Variants in SDK1 observed in about 807,000 individuals in gnomAD.
The protein encoded by SDK1 is sidekick cell adhesion molecule 1, also known as protein sidekick-1.
In SDK1, 157 loss-of-function variants were observed where a neutral mutation model predicts 245.5. The ratio of observed to expected loss-of-function variants is 0.64; its 90% CI spans 0.56 to 0.73. The LOEUF is 0.73. Ranked by LOEUF, SDK1 falls within the 30% of genes least tolerant of loss-of-function variation. SDK1 has a pLI of 0.00. For missense variants in SDK1, 3,583 were observed against 3,002.3 expected (o/e 1.19, Z -4.52); for synonymous variants, 1,647 against 1,278.5 (o/e 1.29, Z -6.15).
intron 34 of SDK1, among the ~76,000 whole-genome samples, chr7:4,177,271 C>T (rs117440848): frequency 7.7e-4 from 117 of 152,360 alleles, no homozygotes; most frequent in Non-Finnish European, 9.8e-4. Context: ...CCACCATCCA[C>T]ACCAGCACAC....
rs1781695835 is a variant in SDK1 at position 3,899,068 on chromosome 7, T to C, written c.848-51855T>C. Among the ~76,000 whole-genome samples the C allele has an allele frequency of 2.0e-5, 3 of 152,320 alleles. No individual in the cohort carries two copies. In the South Asian group the frequency reaches 6.2e-4, roughly 32 times the overall value. On this transcript the variant is annotated intron_variant, in intron 5 of 44. Coordinates refer to ENST00000404826, the MANE Select transcript of SDK1 (RefSeq NM_152744.4). ...CTCCTTTTGGTTTCCATTTAAGTCA[T>C]GAGAAATTTACTAAAATATCATATT...
intron 4 of SDK1, among the ~76,000 whole-genome samples, chr7:3,681,409 G>A (rs890039248): frequency 6.6e-6 from 1 of 152,078 alleles, no homozygotes; most frequent in Admixed American, 6.6e-5. Flanking sequence ...CTGCTGCTCT[G>A]ACCTTTCCTG....
intron 3 of SDK1, 67 bp from the exon 4 acceptor site, chr7:3,641,891 A>G (rs975667997): frequency 7.5e-7 from 1 of 1,340,736 alleles, no homozygotes; most frequent in Admixed American, 2.0e-5. Context: ...ACCTGTTTCC[A>G]TCTGTGACCC....
At chr7:3,604,592 C>A (rs1265768800) in intron 1 of SDK1, among the ~76,000 whole-genome samples, 4 of 136,370 alleles carry the variant, frequency 2.9e-5, no homozygotes, top group Non-Finnish European at 6.2e-5. Context: ...TTTTCTTTTT[C>A]TTTTCTTTTC....
At chr7:3,371,145 T>C (rs1270573849) in intron 1 of SDK1, among the ~76,000 whole-genome samples, 1 of 152,116 alleles carries the variant, frequency 6.6e-6, no homozygotes, top group Non-Finnish European at 1.5e-5. Flanking sequence ...CCACATGCAT[T>C]GAAGGGAATA....
intron 41 of SDK1, among the ~76,000 whole-genome samples, chr7:4,237,120 G>C (rs1417910109): frequency 1.3e-5 from 2 of 152,072 alleles, no homozygotes; most frequent in Non-Finnish European, 2.9e-5. Flanking sequence ...TTGAACTCCT[G>C]GGCTTAAGCC....
chr7:3,802,170 A>T (rs2115036489), intron 4 of SDK1, among the ~76,000 whole-genome samples: 2 of 152,262 alleles, frequency 1.3e-5, no homozygotes, highest in South Asian at 4.2e-4. Context: ...ACACTAGTAC[A>T]ATGTGTGTTT....
At chr7:4,071,245 G>A (rs537960711) in intron 20 of SDK1, among the ~76,000 whole-genome samples, 3 of 151,160 alleles carry the variant, frequency 2.0e-5, no homozygotes, top group East Asian at 2.0e-4. Flanking sequence ...GGCTGGTCTT[G>A]AACTCCTGAC....
At chr7:3,918,447 G>A (rs146706819) in intron 5 of SDK1, among the ~76,000 whole-genome samples, 1 of 152,242 alleles carries the variant, frequency 6.6e-6, no homozygotes, top group Non-Finnish European at 1.5e-5. Context: ...GGTTACACAC[G>A]CCTTATGAGA....
chr7:4,044,430 G>C (rs1411387103), intron 17 of SDK1, among the ~76,000 whole-genome samples: 1 of 151,354 alleles, frequency 6.6e-6, no homozygotes, highest in Non-Finnish European at 1.5e-5. Flanking sequence ...AAGTATCAAA[G>C]AATATGCAGC....
intron 1 of SDK1, chr7:3,302,119 C>T (rs1054845038): frequency 3.0e-5 from 6 of 203,312 alleles, no homozygotes; most frequent in East Asian, 2.9e-4. Flanking sequence ...TTTTTTATAC[C>T]GCAGTAGCAC....
chr7:3,836,895 G>A (rs772814197), intron 5 of SDK1, among the ~76,000 whole-genome samples: 4 of 152,092 alleles, frequency 2.6e-5, no homozygotes, highest in Non-Finnish European at 4.4e-5. Context: ...TTGGTGTCTC[G>A]TTGGGGCCTC....
At chr7:3,572,882 G>C (rs1780160040) in intron 1 of SDK1, among the ~76,000 whole-genome samples, 1 of 152,056 alleles carries the variant, frequency 6.6e-6, no homozygotes, top group Non-Finnish European at 1.5e-5. Flanking sequence ...GAGATTCCTG[G>C]AAGAATTCCA....
intron 4 of SDK1, among the ~76,000 whole-genome samples, chr7:3,676,192 A>T (rs1043436689): frequency 6.6e-6 from 1 of 150,682 alleles, no homozygotes; most frequent in Non-Finnish European, 1.5e-5. Flanking sequence ...TAAATTTTGT[A>T]TTTTTTTGTG....
intron 5 of SDK1, among the ~76,000 whole-genome samples, chr7:3,912,268 C>T (rs992142556): frequency 6.6e-6 from 1 of 152,192 alleles, no homozygotes; most frequent in Non-Finnish European, 1.5e-5. Flanking sequence ...GAGGAGCTTT[C>T]TTTATTTATT....
rs1016434242 is a variant in SDK1, at chr7:3,390,857, A to G, written c.298+88973A>G. Among the ~76,000 whole-genome samples the G allele has an allele frequency of 2.6e-5, 4 of 152,308 alleles. No individual in the cohort carries two copies. In the East Asian group the frequency reaches 7.7e-4, roughly 29 times the overall value. ...AAATATCTGTTGTTTTAGGACATTC[A>G]GTTTGTGGCATTTTGTTATGGTAGC... On this transcript the variant is annotated intron_variant, in intron 1 of 44. Transcript: ENST00000404826.
At chr7:4,254,035 T>G (rs1216575600) in intron 44 of SDK1, among the ~76,000 whole-genome samples, 2 of 152,184 alleles carry the variant, frequency 1.3e-5, no homozygotes, top group East Asian at 3.8e-4. Context: ...TACCTCAGAT[T>G]TATAGTACAT....
intron 1 of SDK1, among the ~76,000 whole-genome samples, chr7:3,556,034 G>C (rs1779576502): frequency 6.6e-6 from 1 of 152,108 alleles, no homozygotes; most frequent in Non-Finnish European, 1.5e-5. Context: ...TAAAAATAGA[G>C]CTACCATATG....
chr7:4,266,195 G>C lies in SDK1; in HGVS notation c.*811G>C, dbSNP rs1788460373. On this transcript the variant is annotated 3_prime_UTR_variant, in exon 45 of 45. Coordinates refer to ENST00000404826, the MANE Select transcript of SDK1 (RefSeq NM_152744.4). ...CAACTCCGCGGGACACGAGGACACG[G>C]GACGGCGTCTCCAGAATTGCTTGTT... 1.0e-6 allele frequency: 1 copy of C among 985,372 alleles called. No homozygotes were observed. Among genetic ancestry groups the C allele is most frequent in the African/African-American group, 1.7e-5 (1 of 57,258 alleles). The allele number at this position is 985,372 out of a possible 1,614,324, so 61.0% of individuals were successfully genotyped here. A position where few individuals can be genotyped will look rare whatever the true frequency, so the allele number is the denominator to read the frequency against.
Sources: allele counts gnomAD v4.1 joint callset (sites outside exome capture counted in the v4.1 genomes callset), GRCh38; gene constraint gnomAD v4.1.1; transcripts MANE v1.5; gene names NCBI Gene and HGNC (gene_info 2026-07-23, HGNC 2026-07-21).